SLC12A1: variants seen among roughly 807,000 people sequenced by gnomAD.
SLC12A1 encodes the protein Na-K-2Cl cotransporter.
SLC12A1 carries 89 observed loss-of-function variants against 130.4 expected under a neutral mutation model. The observed-to-expected ratio is 0.68, with a 90% CI of 0.58 to 0.81. The LOEUF (loss-of-function observed/expected upper bound fraction) is 0.81. Ranked by LOEUF, SLC12A1 falls within the 40% of genes least tolerant of loss-of-function variation. SLC12A1 has a pLI of 0.00. For missense variants in SLC12A1, 1,310 were observed against 1,336.4 expected (o/e 0.98, Z 0.31); for synonymous variants, 499 against 460.0 (o/e 1.08, Z -1.09).
At chr15:48,208,243 G>A in intron 2 of SLC12A1, 104 bp downstream of exon 2, 2 of 1,169,484 alleles carry the variant, frequency 1.7e-6, no homozygotes, top group South Asian at 1.6e-5. Context: ...GTCAAATGGA[G>A]AGGTCTATTC....
Position 48,247,433 on chromosome 15 carries a change from C to G in SLC12A1, c.1657C>G (p.Leu553Val), listed in dbSNP as rs1431696006. 6.2e-7 allele frequency: 1 copy of G among 1,610,012 alleles called. No homozygotes were observed. Among genetic ancestry groups the G allele is most frequent in the South Asian group, 1.1e-5 (1 of 90,796 alleles). ...CCTGAGAGGATATATTCTCACTTTTCTTATAGCCATGGCATTTATTCTTAT... is the reference window on the plus strand; with the variant it reads ...CCTGAGAGGATATATTCTCACTTTTGTTATAGCCATGGCATTTATTCTTAT... ...EPLRGYILTF[L>V]IAMAFILIAE... Residue 553 changes from leucine (L) to valine (V), a missense_variant, in exon 13 of 27, where the codon CTT becomes GTT. By Grantham distance (32) the Leu-to-Val change is conservative. Transcript: ENST00000380993.
At position 48,234,927 on chromosome 15, in the gene SLC12A1, T is replaced by G; in HGVS notation, c.1138T>G (p.Phe380Val). The part of the protein sequence containing the change: ...FGPRFTKGEG[F>V]FSVFAIFFPA... ...GCCACGCTTCACAAAGGGTGAAGGC[T>G]TCTTCTCTGTCTTTGCCATTTTTTT... Residue 380 changes from phenylalanine (F) to valine (V), a missense_variant, in exon 9 of 27, where the codon TTC (phenylalanine) becomes GTC (valine). Transcript: ENST00000380993. 2.5e-6 allele frequency: 4 copies of G among 1,613,828 alleles called. No homozygotes were observed. The highest frequency in any genetic ancestry group is 1.7e-6 in the Non-Finnish European group (2 of 1,179,764).
intron 7 of SLC12A1, among the ~76,000 whole-genome samples, chr15:48,231,967 T>C (rs577375593): frequency 2.6e-5 from 4 of 152,234 alleles, no homozygotes; most frequent in African/African-American, 9.6e-5. Context: ...GCCGAGATCG[T>C]GCCATTGCAT....
At chr15:48,262,282 T>C (rs1179137848) in intron 17 of SLC12A1, among the ~76,000 whole-genome samples, 1 of 152,142 alleles carries the variant, frequency 6.6e-6, no homozygotes, top group African/African-American at 2.4e-5. Flanking sequence ...GCTATTGAAG[T>C]ACTTGCTTTA....
At chr15:48,299,875 G>T (rs569196137) in intron 25 of SLC12A1, among the ~76,000 whole-genome samples, 69 of 152,228 alleles carry the variant, frequency 4.5e-4, no homozygotes, top group African/African-American at 1.6e-3. Context: ...AGGGCAGGGG[G>T]TCAACAACTA....
At chr15:48,253,663 C>T (rs2041672216) in intron 15 of SLC12A1, among the ~76,000 whole-genome samples, 1 of 151,950 alleles carries the variant, frequency 6.6e-6, no homozygotes, top group Non-Finnish European at 1.5e-5. Context: ...TTTCATTTTC[C>T]CTTGGGTAAA....
chr15:48,221,406 A>C (rs1314869495), intron 4 of SLC12A1: 1 of 700,496 alleles, frequency 1.4e-6, no homozygotes, highest in Non-Finnish European at 2.6e-6. Flanking sequence ...AACTGGTGAA[A>C]ATGTGACCTG....
intron 18 of SLC12A1, 22 bp downstream of exon 18, chr15:48,267,723 G>T: frequency 6.2e-7 from 1 of 1,611,882 alleles, no homozygotes; most frequent in Non-Finnish European, 8.5e-7. Flanking sequence ...TTGAGGGAAT[G>T]AGCACAGAGG....
At chr15:48,278,111 T>C (rs1597449541) in intron 20 of SLC12A1, among the ~76,000 whole-genome samples, 2 of 152,198 alleles carry the variant, frequency 1.3e-5, no homozygotes, top group Non-Finnish European at 2.9e-5. Flanking sequence ...TCCCTCCTAG[T>C]AGAACTTAAT....
At chr15:48,292,328 C>T (rs1191422026) in intron 24 of SLC12A1, among the ~76,000 whole-genome samples, 1 of 151,858 alleles carries the variant, frequency 6.6e-6, no homozygotes, top group Non-Finnish European at 1.5e-5. Context: ...AGCTTTTAGG[C>T]ACTAAAGGCC....
chr15:48,244,630 C>G (rs140241179), intron 10 of SLC12A1, 123 bp from the exon 11 acceptor site: 1 of 919,376 alleles, frequency 1.1e-6, no homozygotes, highest in Non-Finnish European at 1.7e-6. Context: ...TCAAGAACTA[C>G]TCACAGTGAA....
At chr15:48,233,875 AT>A (rs942849234) in intron 8 of SLC12A1, among the ~76,000 whole-genome samples, 4 of 150,044 alleles carry the variant, frequency 2.7e-5, no homozygotes, top group African/African-American at 9.8e-5. Context: ...TTTTGTTCAC[AT>A]TTTTTTCCTC....
chr15:48,284,257 T>C (rs2042035575), intron 20 of SLC12A1, among the ~76,000 whole-genome samples: 2 of 152,246 alleles, frequency 1.3e-5, no homozygotes, highest in Admixed American at 1.3e-4. Context: ...ATATTTTCCA[T>C]TGTAATTTGT....
Position 48,285,131 on chromosome 15 carries a change from G to A in SLC12A1, c.2511G>A (p.Glu837=). ...VQEELERLEQ[E]RLALEATIKD... ...AGGAATTAGAGAGATTAGAACAGGA[G>A]AGACTAGCATTGGAAGCGACTATCA... Residue 837 remains glutamate, a synonymous_variant, in exon 21 of 27, where the codon GAG becomes GAA. Coordinates refer to ENST00000380993, the MANE Select transcript of SLC12A1 (RefSeq NM_000338.3). 5.0e-6 allele frequency: 8 copies of A among 1,612,916 alleles called. No homozygotes were observed. In the South Asian group the frequency reaches 8.8e-5, roughly 18 times the overall value.
chr15:48,247,485 T>C lies in SLC12A1; in HGVS notation c.1684+25T>C, dbSNP rs745408856. 4.5e-6 allele frequency: 7 copies of C among 1,547,872 alleles called. No individual in the cohort carries two copies. In the South Asian group the frequency reaches 8.3e-5, roughly 18 times the overall value. On this transcript the variant is annotated intron_variant, in intron 13 of 26. Transcript: ENST00000380993. ...GGTTTGTAAAGTTTTCTTGTTTTTA[T>C]TGAAAACCAAAGAATTCTTCTGATT...
chr15:48,301,509 G>GGGGGGT lies in SLC12A1; in HGVS notation c.3164+129_3164+130insGGGTGG, dbSNP rs1296059245. On this transcript the variant is annotated intron_variant, in intron 26 of 26. Transcript: ENST00000380993. The stretch of plus-strand genomic sequence containing the variant: ...TTGTTTTTGTGTTTTTTTTGGGGGG[G>GGGGGGT]GGAACACGTGGGATTCTTAGACAGT... The GGGGGGT allele has an allele frequency of 5.9e-6, 3 of 506,842 alleles. 1 individual carries two copies. Among genetic ancestry groups the GGGGGGT allele is most frequent in the East Asian group, 5.0e-5 (1 of 19,952 alleles). The allele number at this position is 506,842 out of a possible 1,614,324, so 31.4% of individuals were successfully genotyped here.
chr15:48,219,782 G>T (rs1026807854), intron 2 of SLC12A1, among the ~76,000 whole-genome samples: 14 of 152,002 alleles, frequency 9.2e-5, no homozygotes, highest in African/African-American at 3.4e-4. Flanking sequence ...GACGGGCGCG[G>T]TGGCTCACAC....
intron 11 of SLC12A1, among the ~76,000 whole-genome samples, chr15:48,245,526 T>C (rs1357880472): frequency 6.6e-6 from 1 of 152,208 alleles, no homozygotes; most frequent in Non-Finnish European, 1.5e-5. Flanking sequence ...TGGTATTTGG[T>C]TTTCCGTTCC....
At chr15:48,226,409 T>C in intron 4 of SLC12A1, 67 bp from the exon 5 acceptor site, 2 of 978,002 alleles carry the variant, frequency 2.0e-6, no homozygotes, top group Admixed American at 4.7e-5. Context: ...GCAGTGTAGT[T>C]TGCAGCAATA....
Sources: allele counts gnomAD v4.1 joint callset (sites outside exome capture counted in the v4.1 genomes callset), GRCh38; gene constraint gnomAD v4.1.1; transcripts MANE v1.5; gene names NCBI Gene and HGNC (gene_info 2026-07-23, HGNC 2026-07-21).